The following DLG2 variants were observed in gnomAD, a reference collection of about 807,000 sequenced individuals.
DLG2 encodes discs large MAGUK scaffold protein 2.
A neutral mutation model predicts 132.5 loss-of-function variants in DLG2; 45 were observed. That is an observed-to-expected ratio of 0.34 (90% CI 0.27 to 0.44). The LOEUF (loss-of-function observed/expected upper bound fraction) is 0.44. Among genes scored for constraint, DLG2 ranks in the 20% least tolerant of loss-of-function variants. The pLI is 1.00. For synonymous variants in DLG2, 424 were observed against 419.6 expected (o/e 1.01, Z -0.13); for missense variants, 1,045 against 1,196.9 (o/e 0.87, Z 1.87).
intron 26 of DLG2, 158 bp from the exon 27 acceptor site, chr11:83,462,251 C>G: frequency 1.8e-6 from 1 of 570,190 alleles, no homozygotes; most frequent in Non-Finnish European, 3.1e-6. Flanking sequence ...GGAATAATTT[C>G]AGCAACAAGG....
chr11:83,565,353 T>G (rs757147333), intron 19 of DLG2, among the ~76,000 whole-genome samples: 1 of 152,172 alleles, frequency 6.6e-6, no homozygotes, highest in East Asian at 1.9e-4. Flanking sequence ...TTTAGAGTTA[T>G]GTAAAACACT....
At position 84,847,266 on chromosome 11, in the gene DLG2, G is replaced by T. The variant is rs569396424; in HGVS notation, c.357+264395C>A. Among the ~76,000 whole-genome samples, 5 of 152,230 alleles carry T rather than the reference G, an allele frequency of 3.3e-5. No individual in the cohort carries two copies. In the East Asian group the frequency reaches 9.6e-4, roughly 29 times the overall value. ...GGTTAATGATGACTGGAAGAAAAGTGGGGGAGCACTGCTATCAGAGGCTAG... is the reference window on the plus strand; with the variant it reads ...GGTTAATGATGACTGGAAGAAAAGTTGGGGAGCACTGCTATCAGAGGCTAG... On this transcript the variant is annotated intron_variant, in intron 6 of 27. Coordinates refer to ENST00000376104, the MANE Select transcript of DLG2 (RefSeq NM_001142699.3).
intron 21 of DLG2, among the ~76,000 whole-genome samples, chr11:83,510,830 G>GTTTTTTTTTTTTTTTTTTT (rs566973328): frequency 1.1e-5 from 1 of 88,776 alleles, no homozygotes; most frequent in African/African-American, 4.5e-5. Flanking sequence ...TGAACCATCC[G>GTTTTTTTTTTTTTTTTTTT]TTTTTTTTTT....
chr11:85,217,237 T>C, intron 4 of DLG2, among the ~76,000 whole-genome samples: 1 of 151,756 alleles, frequency 6.6e-6, no homozygotes, highest in South Asian at 2.1e-4. Flanking sequence ...ATGTGTTCTA[T>C]TACCACTCAA....
intron 3 of DLG2, among the ~76,000 whole-genome samples, chr11:85,523,990 C>A (rs1315241791): frequency 6.6e-6 from 1 of 152,128 alleles, no homozygotes; most frequent in Non-Finnish European, 1.5e-5. Context: ...CACTGAAAGA[C>A]CACTTTGCAT....
intron 3 of DLG2, among the ~76,000 whole-genome samples, chr11:85,482,362 C>G (rs1447734714): frequency 6.6e-6 from 1 of 152,220 alleles, no homozygotes; most frequent in East Asian, 1.9e-4. Flanking sequence ...GACCTAAGCT[C>G]CAGGCCTTCC....
At chr11:85,110,161 T>G (rs1245358076) in intron 6 of DLG2, among the ~76,000 whole-genome samples, 1 of 152,068 alleles carries the variant, frequency 6.6e-6, no homozygotes, top group Non-Finnish European at 1.5e-5. Context: ...AAGTGTTCTA[T>G]TTATGAACAA....
At chr11:84,122,826 C>T (rs1358804995) in intron 9 of DLG2, among the ~76,000 whole-genome samples, 1 of 151,926 alleles carries the variant, frequency 6.6e-6, no homozygotes, top group Non-Finnish European at 1.5e-5. Context: ...AAACATATAA[C>T]ACACACACAT....
chr11:84,930,844 A>G (rs1190838381), intron 6 of DLG2, among the ~76,000 whole-genome samples: 2 of 152,126 alleles, frequency 1.3e-5, no homozygotes, highest in Non-Finnish European at 1.5e-5. Flanking sequence ...TCACAGTTCC[A>G]TATCAAGCTA....
chr11:84,625,164 A>G (rs905317018), intron 6 of DLG2, among the ~76,000 whole-genome samples: 17 of 151,978 alleles, frequency 1.1e-4, no homozygotes, highest in Non-Finnish European at 5.9e-5. Flanking sequence ...CCGGCCCGAG[A>G]GTCAACCTTT....
At chr11:84,438,206 C>A (rs1352838843) in intron 7 of DLG2, among the ~76,000 whole-genome samples, 1 of 152,160 alleles carries the variant, frequency 6.6e-6, no homozygotes, top group Admixed American at 6.5e-5. Flanking sequence ...ACTTCTCTGC[C>A]CACCAGCCAG....
intron 18 of DLG2, among the ~76,000 whole-genome samples, chr11:83,660,677 A>G (rs1331693016): frequency 6.6e-6 from 1 of 152,238 alleles, no homozygotes; most frequent in Admixed American, 6.5e-5. Flanking sequence ...GTCACACACT[A>G]ACATGTAAGG....
rs997643943 is a variant in DLG2, at chr11:85,284,755, A to C, written c.186+465T>G. ...ATATATAAGTTACCCAAATATAGAA[A>C]ATTTTAAAGAATATGATTAAAAGAA... On this transcript the variant is annotated intron_variant, in intron 4 of 27. Transcript: ENST00000376104. Among the ~76,000 whole-genome samples the C allele has an allele frequency of 1.4e-4, 21 of 152,126 alleles. 1 individual carries two copies. The highest frequency in any genetic ancestry group is 4.1e-4 in the African/African-American group (17 of 41,558).
At chr11:85,618,660 C>G (rs1368117818) in intron 2 of DLG2, among the ~76,000 whole-genome samples, 2 of 152,182 alleles carry the variant, frequency 1.3e-5, no homozygotes, top group Non-Finnish European at 2.9e-5. Context: ...TGCTCAATAC[C>G]TAGGTGACAG....
intron 9 of DLG2, among the ~76,000 whole-genome samples, chr11:84,119,684 A>T (rs1219397234): frequency 6.6e-6 from 1 of 152,158 alleles, no homozygotes; most frequent in Non-Finnish European, 1.5e-5. Flanking sequence ...AAGCACATGT[A>T]TCAAGCTTCA....
intron 7 of DLG2, among the ~76,000 whole-genome samples, chr11:84,492,425 T>C (rs1052456773): frequency 2.6e-5 from 4 of 152,150 alleles, no homozygotes; most frequent in Non-Finnish European, 5.9e-5. Context: ...TTCTACTGGA[T>C]TAGGCTTTCT....
intron 15 of DLG2, among the ~76,000 whole-genome samples, chr11:83,907,060 T>C (rs1348279532): frequency 1.3e-5 from 2 of 152,180 alleles, no homozygotes; most frequent in Non-Finnish European, 2.9e-5. Context: ...ATGTAGGAGA[T>C]GGCATTTGAA....
Position 84,098,931 on chromosome 11 carries a change from G to T in DLG2, c.741C>A (p.Gly247=). The change falls in exon 10 of 28, where the codon GGC becomes GGA. Residue 247 remains glycine (G), a synonymous_variant. Transcript: ENST00000376104. ...IIPGGAAAED[G]RLRVNDCILR... ...ATGTTTCAGATCTTTACCTGAGTCT[G>T]CCATCCTCTGCTGCAGCACCTCCTG... The T allele has an allele frequency of 6.2e-7, 1 of 1,612,754 alleles. No homozygotes were observed. Among genetic ancestry groups the T allele is most frequent in the Non-Finnish European group, 8.5e-7 (1 of 1,179,508 alleles).
At chr11:83,872,351 A>C (rs1004173558) in intron 16 of DLG2, among the ~76,000 whole-genome samples, 6 of 152,172 alleles carry the variant, frequency 3.9e-5, no homozygotes, top group Non-Finnish European at 7.3e-5. Context: ...ATCAACAACA[A>C]ATGGTAGAGG....
Sources: gnomAD v4.1 joint callset for allele counts (sites outside exome capture counted in the v4.1 genomes callset) on GRCh38, gnomAD v4.1.1 for gene constraint, MANE v1.5 for transcripts, NCBI Gene and HGNC (gene_info 2026-07-23, HGNC 2026-07-21) for gene names.